The following MYOF variants were observed in gnomAD, a reference collection of about 807,000 sequenced individuals.
MYOF encodes the protein fer-1-like 3, myoferlin.
A neutral mutation model predicts 284.2 loss-of-function variants in MYOF; 244 were observed. The observed-to-expected ratio is 0.86, with a 90% confidence interval of 0.77 to 0.95. The LOEUF (loss-of-function observed/expected upper bound fraction) is 0.95, where lower values mean the gene tolerates loss of function less well. MYOF is among the 40% of genes least tolerant of loss of function. The pLI is 0.00. For synonymous variants in MYOF, 904 were observed against 919.7 expected (o/e 0.98, Z 0.31); for missense variants, 2,496 against 2,560.6 (o/e 0.97, Z 0.54).
intron 36 of MYOF, 96 bp downstream of exon 36, chr10:93,349,712 T>G (rs1304683449): frequency 1.4e-6 from 2 of 1,418,826 alleles, no homozygotes; most frequent in Non-Finnish European, 1.9e-6. Context: ...ATTTGTCAGG[T>G]TTTGGAAATA....
intron 3 of MYOF, among the ~76,000 whole-genome samples, chr10:93,433,221 G>C (rs1848952612): frequency 6.6e-6 from 1 of 152,166 alleles, no homozygotes; most frequent in African/African-American, 2.4e-5. Flanking sequence ...GCAACGGCGT[G>C]ATCTCAGCTC....
At chr10:93,451,728 T>A (rs2134303448) in intron 3 of MYOF, among the ~76,000 whole-genome samples, 1 of 152,318 alleles carries the variant, frequency 6.6e-6, no homozygotes, top group South Asian at 2.1e-4. Flanking sequence ...ACAGTTCAGA[T>A]AAACTGCCAG....
At chr10:93,334,800 C>T (rs753644848) in intron 41 of MYOF, among the ~76,000 whole-genome samples, 32 of 152,250 alleles carry the variant, frequency 2.1e-4, no homozygotes, top group Non-Finnish European at 3.4e-4. Flanking sequence ...CAAAGACTCC[C>T]GTCTGGCACA....
chr10:93,333,539 C>T (rs1843441699), intron 42 of MYOF, among the ~76,000 whole-genome samples: 1 of 152,058 alleles, frequency 6.6e-6, no homozygotes, highest in Admixed American at 6.6e-5. Context: ...TCCTGGCTCA[C>T]ACCTGTAAAA....
At chr10:93,333,366 C>G in intron 42 of MYOF, 54 bp from the exon 43 acceptor site, 2 of 1,491,648 alleles carry the variant, frequency 1.3e-6, no homozygotes, top group Non-Finnish European at 9.4e-7. Flanking sequence ...AAGGTGAAGT[C>G]AAGTTCAGGG....
chr10:93,361,561 A>G lies in MYOF; in HGVS notation c.2869-4T>C. 7 of 1,614,184 alleles carry G rather than the reference A, an allele frequency of 4.3e-6. No individual in the cohort carries two copies. The highest frequency in any genetic ancestry group is 5.9e-6 in the Non-Finnish European group (7 of 1,179,986). On this transcript the variant is annotated splice_polypyrimidine_tract_variant and splice_region_variant and intron_variant, in intron 27 of 53. Transcript: ENST00000359263. ...GTGATGCTGCTTTATCGCCGTTCTT[A>G]CAAAACAAAAATAAAAACAAAGAAG...
At chr10:93,398,763 C>A (rs1050812211) in intron 13 of MYOF, among the ~76,000 whole-genome samples, 3 of 152,160 alleles carry the variant, frequency 2.0e-5, no homozygotes. Flanking sequence ...TTATATGGTT[C>A]GAACACATAA....
chr10:93,374,470 T>C lies in MYOF; in HGVS notation c.2301+293A>G, dbSNP rs550286640. 2.1e-4 allele frequency among the ~76,000 whole-genome samples: 32 copies of C among 152,320 alleles called. 1 individual carries two copies. The highest frequency in any genetic ancestry group is 7.5e-4 in the African/African-American group (31 of 41,576). On this transcript the variant is annotated intron_variant, in intron 23 of 53. Transcript: ENST00000359263. ...AAGCTGACATTTTAATCCTGTGAACTGCAAAGACCATTCAAAATATTCTCC... is the reference window on the plus strand; with the variant it reads ...AAGCTGACATTTTAATCCTGTGAACCGCAAAGACCATTCAAAATATTCTCC...
intron 39 of MYOF, among the ~76,000 whole-genome samples, chr10:93,338,671 C>T (rs1032352479): frequency 6.6e-6 from 1 of 152,124 alleles, no homozygotes; most frequent in Non-Finnish European, 1.5e-5. Context: ...CTAGGAGATG[C>T]AATCAGTCTG....
intron 28 of MYOF, among the ~76,000 whole-genome samples, chr10:93,360,508 G>T (rs532329287): frequency 6.6e-6 from 1 of 152,348 alleles, no homozygotes; most frequent in Non-Finnish European, 1.5e-5. Flanking sequence ...CTCAGTCAAT[G>T]CTAACGATTA....
intron 51 of MYOF, among the ~76,000 whole-genome samples, chr10:93,310,956 A>G (rs1842356004): frequency 6.6e-6 from 1 of 152,044 alleles, no homozygotes; most frequent in Non-Finnish European, 1.5e-5. Context: ...CTTCACTTGG[A>G]CCCAGACTAA....
chr10:93,426,547 T>C (rs562263281), intron 4 of MYOF, among the ~76,000 whole-genome samples: 13 of 152,378 alleles, frequency 8.5e-5, no homozygotes, highest in Non-Finnish European at 1.8e-4. Flanking sequence ...TGCTCATTGC[T>C]TATTTCATTA....
rs1445692533 is a variant in MYOF at position 93,319,866 on chromosome 10, G to A, written c.5598+6C>T. 3.1e-6 allele frequency: 5 copies of A among 1,613,850 alleles called. No homozygotes were observed. The highest frequency in any genetic ancestry group is 4.2e-6 in the Non-Finnish European group (5 of 1,179,978). ...CCACTTCCCAGCGGCATATTTCAGA[G>A]CTCACTTTTTTCGCAACGATACAGA... On this transcript the variant is annotated splice_donor_region_variant and intron_variant, in intron 49 of 53. Transcript: ENST00000359263.
rs1459062296 is a variant in MYOF, at chr10:93,375,066, ACCT to A, written c.2109-114_2109-112del. ...GATTTCCATCTTGCAAACCACATCAACCTCCTAACTGAATCTACAAGCACTGCC... is the reference window on the plus strand; with the variant it reads ...GATTTCCATCTTGCAAACCACATCAACCTAACTGAATCTACAAGCACTGCC... On this transcript the variant is annotated intron_variant, in intron 22 of 53. Transcript: ENST00000359263. 99 of 1,053,640 alleles carry A rather than the reference ACCT, an allele frequency of 9.4e-5. No homozygotes were observed. The East Asian group carries it at 2.3e-3, about 24-fold the overall frequency. 65.3% of individuals were successfully genotyped at this position (1,053,640 alleles called of 1,614,324 possible).
At chr10:93,443,468 CTCTCTGTG>C (rs758896152) in intron 3 of MYOF, among the ~76,000 whole-genome samples, 70 of 114,706 alleles carry the variant, frequency 6.1e-4, no homozygotes, top group South Asian at 3.4e-3. Flanking sequence ...CTCTCTCTCT[CTCTCTGTG>C]TGTGTGTGTG....
Position 93,381,210 on chromosome 10 carries a change from C to A in MYOF, c.1876+9G>T, listed in dbSNP as rs1846096144. The A allele has an allele frequency of 6.2e-7, 1 of 1,613,814 alleles. No homozygotes were observed. Among genetic ancestry groups the A allele is most frequent in the South Asian group, 1.1e-5 (1 of 91,046 alleles). On this transcript the variant is annotated intron_variant, in intron 20 of 53. Coordinates refer to ENST00000359263, the MANE Select transcript of MYOF (RefSeq NM_013451.4). ...AACGTGTGGAGAGAACTGTTAGTGC[C>A]AATCTTACCATCAAATACAGCACGG...
chr10:93,317,890 T>G (rs573082253), intron 49 of MYOF, among the ~76,000 whole-genome samples: 1 of 152,296 alleles, frequency 6.6e-6, no homozygotes, highest in African/African-American at 2.4e-5. Flanking sequence ...GGGTTGTTTT[T>G]CATATTCCAG....
At chr10:93,341,879 C>T (rs915120009) in intron 38 of MYOF, 2 of 1,281,138 alleles carry the variant, frequency 1.6e-6, no homozygotes, top group African/African-American at 1.5e-5. Context: ...CCCACAGTCC[C>T]AGGCAGCCTC....
In MYOF at chr10:93,343,882, C is replaced by T. The variant is rs1206742895; in HGVS notation, c.4300G>A (p.Asp1434Asn). ...TTAGAAGCCAGTAATGGTTTGGTGTCTTCCATTTCGATAACGATGTCCCGG... is the reference window on the plus strand; with the variant it reads ...TTAGAAGCCAGTAATGGTTTGGTGTTTTCCATTTCGATAACGATGTCCCGG... Reference protein sequence around the residue: ...PCRDIVIEMEDTKPLLASKLT... With the variant: ...PCRDIVIEMENTKPLLASKLT... Residue 1434 changes from aspartate (D) to asparagine (N), a missense_variant, in exon 38 of 54, where the codon GAC (aspartate) becomes AAC (asparagine). Coordinates refer to ENST00000359263, the MANE Select transcript of MYOF (RefSeq NM_013451.4). The T allele has an allele frequency of 1.9e-6, 3 of 1,614,100 alleles. No individual in the cohort carries two copies. The African/African-American group carries it at 4.0e-5, about 22-fold the overall frequency.
Sources: gnomAD v4.1 joint callset for allele counts (sites outside exome capture counted in the v4.1 genomes callset) on GRCh38, gnomAD v4.1.1 for gene constraint, MANE v1.5 for transcripts, NCBI Gene and HGNC (gene_info 2026-07-23, HGNC 2026-07-21) for gene names.